The following ACMSD variants were observed in gnomAD, a reference collection of about 807,000 sequenced individuals.
The protein encoded by ACMSD is 2-amino-3-carboxymuconate-6-semialdehyde decarboxylase.
In ACMSD, 37 loss-of-function variants were observed where a neutral mutation model predicts 45.9. That is an observed-to-expected ratio of 0.81 (90% confidence interval 0.62 to 1.06). ACMSD has a LOEUF of 1.06. Ranked by LOEUF, ACMSD falls within the 50% of genes least tolerant of loss-of-function variation. ACMSD has a pLI of 0.00. For missense variants in ACMSD, 434 were observed against 420.9 expected, an observed-to-expected ratio of 1.03 and a Z score of -0.27; for synonymous variants, 138 against 148.8, an observed-to-expected ratio of 0.93 and a Z score of 0.53.
intron 3 of ACMSD, among the ~76,000 whole-genome samples, chr2:134,860,240 G>C (rs1256328552): frequency 3.3e-5 from 5 of 152,176 alleles, no homozygotes; most frequent in Admixed American, 1.3e-4. Flanking sequence ...TCCAGCCTGG[G>C]CAACAAAGTG....
At position 134,874,588 on chromosome 2, in the gene ACMSD, T is replaced by A. The variant is rs143757090; in HGVS notation, c.849+1947T>A. 1.1e-3 allele frequency among the ~76,000 whole-genome samples: 171 copies of A among 152,318 alleles called. 5 individuals are homozygous for A. The Middle Eastern group carries it at 0.041, about 36-fold the overall frequency. On this transcript the variant is annotated intron_variant, in intron 8 of 9. Transcript: ENST00000356140. ...AATGGAACTGATGAATTATTTGATC[T>A]GTCTGAGAGTTGGAAACAATTATTG...
chr2:134,868,108 T>C (rs1258107685), intron 6 of ACMSD, among the ~76,000 whole-genome samples: 1 of 152,146 alleles, frequency 6.6e-6, no homozygotes, highest in Non-Finnish European at 1.5e-5. Flanking sequence ...TTTTAGACGA[T>C]GATAATAGCA....
At chr2:134,868,045 C>T (rs1372355029) in intron 6 of ACMSD, among the ~76,000 whole-genome samples, 1 of 152,282 alleles carries the variant, frequency 6.6e-6, no homozygotes, top group East Asian at 1.9e-4. Context: ...AGTCTTGCTA[C>T]ACAGACTCCC....
Position 134,859,314 on chromosome 2 carries a change from T to G in ACMSD, c.156T>G (p.Asn52Lys). The G allele has an allele frequency of 2.5e-6, 4 of 1,614,056 alleles. No individual in the cohort carries two copies. Among genetic ancestry groups the G allele is most frequent in the Non-Finnish European group, 3.4e-6 (4 of 1,180,006 alleles). Residue 52 changes from asparagine (N) to lysine (K), a missense_variant, in exon 3 of 10, where the codon AAT (asparagine) becomes AAG (lysine). Asn to Lys is a moderately conservative substitution (Grantham distance 94). Coordinates refer to ENST00000356140, the MANE Select transcript of ACMSD (RefSeq NM_138326.3). ...DGKVFRVVRENCWDPEVRIRE... is the reference protein window; with the variant it reads ...DGKVFRVVREKCWDPEVRIRE... ...AAGTCTTCAGAGTGGTGCGAGAGAA[T>G]TGCTGGGATCCAGAAGTTCGTATTA...
At chr2:134,858,896 C>A (rs1024365479) in intron 2 of ACMSD, among the ~76,000 whole-genome samples, 22 of 150,186 alleles carry the variant, frequency 1.5e-4, no homozygotes, top group Non-Finnish European at 2.8e-4. Context: ...CTTTTCAATT[C>A]TAAATGTTAT....
chr2:134,872,262 T>C (rs1237781878), intron 7 of ACMSD, among the ~76,000 whole-genome samples: 1 of 152,150 alleles, frequency 6.6e-6, no homozygotes, highest in Non-Finnish European at 1.5e-5. Flanking sequence ...TGGCCTGTCT[T>C]CTCTCTTTAA....
intron 1 of ACMSD, among the ~76,000 whole-genome samples, chr2:134,841,157 G>A (rs866635189): frequency 3.9e-5 from 6 of 152,186 alleles, no homozygotes; most frequent in Non-Finnish European, 7.3e-5. Context: ...GAGAGACAGA[G>A]GGAGAAATAA....
intron 7 of ACMSD, 61 bp from the exon 8 acceptor site, chr2:134,872,408 C>T (rs903351414): frequency 6.3e-7 from 1 of 1,595,940 alleles, no homozygotes; most frequent in Non-Finnish European, 8.6e-7. Context: ...CATATAACAT[C>T]AAGACTAAAG....
intron 6 of ACMSD, among the ~76,000 whole-genome samples, 166 bp from the exon 7 acceptor site, chr2:134,870,799 C>T (rs530446384): frequency 1.6e-4 from 25 of 152,266 alleles, no homozygotes; most frequent in African/African-American, 4.8e-4. Flanking sequence ...GGAAGTTTCA[C>T]GTGGTTCTCC....
chr2:134,883,996 T>C (rs1253164951), intron 8 of ACMSD, among the ~76,000 whole-genome samples: 1 of 152,214 alleles, frequency 6.6e-6, no homozygotes, highest in Non-Finnish European at 1.5e-5. Context: ...TTTGTATGCC[T>C]ATCGCTTTCT....
At chr2:134,881,952 T>A (rs890819619) in intron 8 of ACMSD, among the ~76,000 whole-genome samples, 1 of 152,140 alleles carries the variant, frequency 6.6e-6, no homozygotes, top group Admixed American at 6.5e-5. Flanking sequence ...ACCCCATCTC[T>A]ACTAAAAATA....
At chr2:134,853,150 G>A (rs1433874234) in intron 2 of ACMSD, among the ~76,000 whole-genome samples, 5 of 135,134 alleles carry the variant, frequency 3.7e-5, no homozygotes, top group South Asian at 4.8e-4. Flanking sequence ...GGAACAGAGC[G>A]AGACTCCATC....
intron 8 of ACMSD, among the ~76,000 whole-genome samples, chr2:134,886,397 C>G (rs1318447725): frequency 6.6e-6 from 1 of 151,412 alleles, no homozygotes; most frequent in African/African-American, 2.4e-5. Flanking sequence ...TACAGGTGCC[C>G]GCCAACACGC....
chr2:134,900,187 C>T (rs982331717), intron 9 of ACMSD, among the ~76,000 whole-genome samples: 27 of 152,112 alleles, frequency 1.8e-4, no homozygotes, highest in Admixed American at 1.8e-3. Context: ...TTCTCTTACC[C>T]CAGTCAACCA....
chr2:134,845,153 G>C lies in ACMSD; in HGVS notation c.58-80G>C, dbSNP rs2104813201. ...GCAATGCTTGAAAGGTGGAGCTCAGGATCTTCTGCACTTAGCATGCCCCTT... is the reference window on the plus strand; with the variant it reads ...GCAATGCTTGAAAGGTGGAGCTCAGCATCTTCTGCACTTAGCATGCCCCTT... On this transcript the variant is annotated intron_variant, in intron 1 of 9. Transcript: ENST00000356140. 2.1e-6 allele frequency: 3 copies of C among 1,453,094 alleles called. No homozygotes were observed. The South Asian group carries it at 3.4e-5, about 17-fold the overall frequency. 90.0% of individuals were successfully genotyped at this position (1,453,094 alleles called of 1,614,324 possible).
intron 8 of ACMSD, chr2:134,877,703 G>GA (rs1688817475): frequency 6.7e-6 from 1 of 148,978 alleles, no homozygotes; most frequent in Non-Finnish European, 1.5e-5. Context: ...GAAGAAGAGG[G>GA]GGGGGAAAAG....
Position 134,872,471 on chromosome 2 carries a change from G to T in ACMSD, c.679G>T (p.Gly227Cys). ...TCAGTAATGGGTTTTACTTGCAGGT[G>T]GTGCCTTCCCCTTCACAGTGGGAAG... is the stretch of plus-strand genomic sequence containing the variant. ...KLKVCFAHGG[G>C]AFPFTVGRIS... Residue 227 changes from glycine to cysteine, a missense_variant and splice_region_variant, in exon 8 of 10, where the codon GGT (glycine) becomes TGT (cysteine). By Grantham distance (159) the Gly-to-Cys change is radical. Coordinates refer to ENST00000356140, the MANE Select transcript of ACMSD (RefSeq NM_138326.3). 6.2e-7 allele frequency: 1 copy of T among 1,614,104 alleles called. No individual in the cohort carries two copies. The highest frequency in any genetic ancestry group is 8.5e-7 in the Non-Finnish European group (1 of 1,180,006).
At chr2:134,859,523 C>G (rs988023280) in intron 3 of ACMSD, 166 bp downstream of exon 3, 2 of 573,778 alleles carry the variant, frequency 3.5e-6, no homozygotes, top group East Asian at 5.6e-5. Flanking sequence ...CACTACAATG[C>G]TTTTAGAGTG....
intron 7 of ACMSD, among the ~76,000 whole-genome samples, chr2:134,872,007 AGTGCAGTG>A (rs1011218789): frequency 6.7e-6 from 1 of 148,348 alleles, no homozygotes; most frequent in African/African-American, 2.5e-5. Context: ...CACAGGCTGG[AGTGCAGTG>A]GTGCAATCTC....
Sources: allele counts gnomAD v4.1 joint callset (sites outside exome capture counted in the v4.1 genomes callset), GRCh38; gene constraint gnomAD v4.1.1; transcripts MANE v1.5; gene names NCBI Gene and HGNC (gene_info 2026-07-23, HGNC 2026-07-21).